The following SPTBN4 variants were observed in gnomAD, a reference collection of about 807,000 sequenced individuals.
SPTBN4 encodes the protein spectrin beta, non-erythrocytic 4.
Under a neutral mutation model 277.8 loss-of-function variants are expected in SPTBN4, and 96 were observed. That is an observed-to-expected ratio of 0.35 (90% confidence interval 0.29 to 0.41). SPTBN4 has a LOEUF of 0.41. Among genes scored for constraint, SPTBN4 ranks in the 10% least tolerant of loss-of-function variants. The pLI is 1.00. For missense variants in SPTBN4, 3,006 were observed against 3,595.7 expected (o/e 0.84, Z 4.19); for synonymous variants, 1,481 against 1,580.3 (o/e 0.94, Z 1.49).
In SPTBN4 at chr19:40,513,405, G is replaced by A; in HGVS notation, c.2616G>A (p.Leu872=). The change falls in exon 14 of 36, where the codon CTG becomes CTA. Residue 872 remains leucine (L), a synonymous_variant. Transcript: ENST00000598249. Reference sequence around the variant, plus strand: ...CTGAGGTGACCGAAGTGGCGGCGCTGAGGCGCCAGTGGCTGCGGGACGCGC... The same window carrying A: ...CTGAGGTGACCGAAGTGGCGGCGCTAAGGCGCCAGTGGCTGCGGGACGCGC... The part of the protein sequence containing the change: ...LFAEVTEVAA[L]RRQWLRDALA... 1.9e-6 allele frequency: 3 copies of A among 1,605,484 alleles called. No individual in the cohort carries two copies. Among genetic ancestry groups the A allele is most frequent in the Non-Finnish European group, 2.5e-6 (3 of 1,177,630 alleles).
chr19:40,509,757 C>T (rs1331815013), intron 13 of SPTBN4, among the ~76,000 whole-genome samples: 3 of 152,134 alleles, frequency 2.0e-5, no homozygotes, highest in African/African-American at 4.8e-5. Context: ...GAGCATTATT[C>T]GAAAAGGAAG....
chr19:40,574,990 G>A (rs1214446437), intron 35 of SPTBN4, among the ~76,000 whole-genome samples: 1 of 150,226 alleles, frequency 6.7e-6, no homozygotes, highest in Non-Finnish European at 1.5e-5. Context: ...ACTCCAGCCT[G>A]GGGGACAGAG....
intron 2 of SPTBN4, among the ~76,000 whole-genome samples, chr19:40,475,623 G>C (rs1277554564): frequency 6.6e-6 from 1 of 151,858 alleles, no homozygotes. Context: ...CACCATGCCT[G>C]GCTAATTTTT....
At chr19:40,570,353 C>T (rs1355640309) in intron 32 of SPTBN4, 83 bp from the exon 33 acceptor site, 12 of 913,200 alleles carry the variant, frequency 1.3e-5, no homozygotes, top group Non-Finnish European at 1.9e-5. Flanking sequence ...ACAGATGGGA[C>T]CCCAGACCCA....
chr19:40,510,154 C>T (rs1239091441), intron 13 of SPTBN4, among the ~76,000 whole-genome samples: 3 of 152,098 alleles, frequency 2.0e-5, no homozygotes, highest in Non-Finnish European at 4.4e-5. Context: ...CTTAGCTGAT[C>T]CTAGGGCAAT....
At position 40,502,870 on chromosome 19, in the gene SPTBN4, G is replaced by C; in HGVS notation, c.1299G>C (p.Arg433Ser). ...AGAAGCTGGAACTACTGGCACAGAG[G>C]TTTGACCACAAGGTGGCTATGAGGG... is the stretch of plus-strand genomic sequence containing the variant. ...RQEKLELLAQ[R>S]FDHKVAMRES... Residue 433 changes from arginine (R) to serine (S), a missense_variant, in exon 11 of 36, where the codon AGG (arginine) becomes AGC (serine). Coordinates refer to ENST00000598249, the MANE Select transcript of SPTBN4 (RefSeq NM_020971.3). This position sits in a 1 kb window ranked among gnomAD's most constrained non-coding sequence, Gnocchi z 4.9. The C allele has an allele frequency of 6.2e-7, 1 of 1,613,944 alleles. No individual in the cohort carries two copies. Among genetic ancestry groups the C allele is most frequent in the Non-Finnish European group, 8.5e-7 (1 of 1,180,024 alleles).
chr19:40,491,531 T>G lies in SPTBN4; in HGVS notation c.495+1283T>G, dbSNP rs558895978. Among the ~76,000 whole-genome samples the G allele has an allele frequency of 3.3e-5, 5 of 151,358 alleles. No individual in the cohort carries two copies. The South Asian group carries it at 1.0e-3, about 32-fold the overall frequency. On this transcript the variant is annotated intron_variant, in intron 4 of 35. Coordinates refer to ENST00000598249, the MANE Select transcript of SPTBN4 (RefSeq NM_020971.3). ...CTGAGGCAAGAGGATTACCTGAGTTTAGGAGTTCGAGCCCAGCTTGGCCAA... is the reference window on the plus strand; with the variant it reads ...CTGAGGCAAGAGGATTACCTGAGTTGAGGAGTTCGAGCCCAGCTTGGCCAA...
In SPTBN4 at chr19:40,512,789, T is replaced by A. The variant is rs1555815402; in HGVS notation, c.2000T>A (p.Leu667Gln). The change falls in exon 14 of 36, where the codon CTG (leucine) becomes CAG (glutamine). Residue 667 changes from leucine (L) to glutamine (Q), a missense_variant. Transcript: ENST00000598249. ...ESWARDKERL[L>Q]EAAGGGGAAG... ...TGGGCGCGCGACAAGGAGCGTCTCCTGGAGGCTGCGGGCGGCGGCGGTGCG... is the reference window on the plus strand; with the variant it reads ...TGGGCGCGCGACAAGGAGCGTCTCCAGGAGGCTGCGGGCGGCGGCGGTGCG... The A allele has an allele frequency of 1.4e-6, 2 of 1,475,124 alleles. No individual in the cohort carries two copies. Among genetic ancestry groups the A allele is most frequent in the Non-Finnish European group, 1.8e-6 (2 of 1,126,040 alleles). 91.4% of individuals were successfully genotyped at this position (1,475,124 alleles called of 1,614,324 possible).
At chr19:40,481,544 C>T (rs2080010692) in intron 2 of SPTBN4, among the ~76,000 whole-genome samples, 4 of 152,156 alleles carry the variant, frequency 2.6e-5, no homozygotes, top group Admixed American at 2.6e-4. Flanking sequence ...GGCGCGATCT[C>T]TGCTCACTGC....
intron 17 of SPTBN4, among the ~76,000 whole-genome samples, chr19:40,527,410 A>G (rs1438002046): frequency 6.6e-6 from 1 of 152,216 alleles, no homozygotes. Context: ...CAAAACAGAC[A>G]AAAATCCCTG....
chr19:40,496,299 G>A (rs1189068192), intron 6 of SPTBN4, among the ~76,000 whole-genome samples: 1 of 152,086 alleles, frequency 6.6e-6, no homozygotes, highest in Non-Finnish European at 1.5e-5. Context: ...ACAGGCGCCC[G>A]CCACCACACC....
chr19:40,557,028 G>A lies in SPTBN4; in HGVS notation c.5295G>A (p.Leu1765=), dbSNP rs374631029. Residue 1765 remains leucine (L), a synonymous_variant, in exon 26 of 36, where the codon CTG becomes CTA. Transcript: ENST00000598249. Reference sequence around the variant, plus strand: ...CCCCCACTTCCTGATGGCAGGTGCTGCAGGAGAAATTCTCAGAGTTTGCCA... The same window carrying A: ...CCCCCACTTCCTGATGGCAGGTGCTACAGGAGAAATTCTCAGAGTTTGCCA... The part of the protein sequence containing the change: ...LGQDFEHVSV[L]QEKFSEFASE... 3.3e-6 allele frequency: 5 copies of A among 1,526,196 alleles called. No individual in the cohort carries two copies. The highest frequency in any genetic ancestry group is 1.3e-5 in the South Asian group (1 of 78,326). The allele number at this position is 1,526,196 out of a possible 1,614,324, so 94.5% of individuals were successfully genotyped here.
At position 40,566,328 on chromosome 19, in the gene SPTBN4, A is replaced by G. The variant is rs1267463209; in HGVS notation, c.6305A>G (p.Glu2102Gly). 2 of 1,589,088 alleles carry G rather than the reference A, an allele frequency of 1.3e-6. No individual in the cohort carries two copies. Among genetic ancestry groups the G allele is most frequent in the Admixed American group, 1.8e-5 (1 of 57,022 alleles). ...AFRKAAAAWE[E>G]RFSSLRRLTT... ...CGCAAAGCGGCTGCAGCCTGGGAAG[A>G]GAGGTTCAGCTCTCTGCGGCGCCTG... The change falls in exon 30 of 36, where the codon GAG (glutamate) becomes GGG (glycine). Residue 2102 changes from glutamate to glycine, a missense_variant. Around this residue, in one of 5 missense-constraint regions of SPTBN4, gnomAD observed 630 missense variants for 677.6 expected, o/e 0.93. Transcript: ENST00000598249.
intron 11 of SPTBN4, among the ~76,000 whole-genome samples, chr19:40,503,465 T>G (rs1264903734): frequency 2.8e-5 from 4 of 140,422 alleles, no homozygotes; most frequent in Admixed American, 1.4e-4. Flanking sequence ...CAGGGGAGGG[T>G]GGGTCTGGTC....
intron 4 of SPTBN4, among the ~76,000 whole-genome samples, chr19:40,491,490 C>T (rs767539139): frequency 2.4e-4 from 36 of 151,978 alleles, no homozygotes; most frequent in Non-Finnish European, 4.9e-4. Context: ...GCCCATAATC[C>T]CAGCACTTTG....
chr19:40,473,901 G>C (rs1031887788), intron 2 of SPTBN4, among the ~76,000 whole-genome samples: 2 of 151,670 alleles, frequency 1.3e-5, no homozygotes, highest in African/African-American at 4.8e-5. Context: ...CAGCACTTTG[G>C]GAGGCAAAGG....
At position 40,567,808 on chromosome 19, in the gene SPTBN4, C is replaced by G. The variant is rs1343258189; in HGVS notation, c.6482C>G (p.Ala2161Gly). ...GGYERGLEPL[A>G]RRASDTLSAE... ...TATGAAAGGGGCTTGGAGCCCCTGGCCCGCCGAGCCTCGGACACGCTCTCG... is the reference window on the plus strand; with the variant it reads ...TATGAAAGGGGCTTGGAGCCCCTGGGCCGCCGAGCCTCGGACACGCTCTCG... Residue 2161 changes from alanine to glycine, a missense_variant, in exon 31 of 36, where the codon GCC (alanine) becomes GGC (glycine). Around this residue, in one of 5 missense-constraint regions of SPTBN4, gnomAD observed 630 missense variants for 677.6 expected, o/e 0.93. Transcript: ENST00000598249. 2.0e-6 allele frequency: 3 copies of G among 1,512,740 alleles called. No homozygotes were observed. Among genetic ancestry groups the G allele is most frequent in the Admixed American group, 4.3e-5 (2 of 46,578 alleles). 93.7% of individuals were successfully genotyped at this position (1,512,740 alleles called of 1,614,324 possible). A position where few individuals can be genotyped will look rare whatever the true frequency, so the allele number is the denominator to read the frequency against.
At chr19:40,477,048 T>C (rs920015632) in intron 2 of SPTBN4, among the ~76,000 whole-genome samples, 13 of 148,936 alleles carry the variant, frequency 8.7e-5, no homozygotes, top group Admixed American at 2.0e-4. Flanking sequence ...TTATTATTAT[T>C]ATCATTATCA....
At chr19:40,514,217 C>T (rs2080427886) in intron 14 of SPTBN4, among the ~76,000 whole-genome samples, 1 of 152,208 alleles carries the variant, frequency 6.6e-6, no homozygotes, top group Non-Finnish European at 1.5e-5. Context: ...GTGCCTATGC[C>T]TTTCTAGGTC....
Sources: gnomAD v4.1 joint callset for allele counts (sites outside exome capture counted in the v4.1 genomes callset) on GRCh38, gnomAD v4.1.1 for gene constraint, gnomAD v4.1.1 regional missense constraint, Gnocchi (gnomAD v3.1) non-coding constraint, MANE v1.5 for transcripts, NCBI Gene and HGNC (gene_info 2026-07-23, HGNC 2026-07-21) for gene names.